The following ANXA3 variants were observed in gnomAD, a reference collection of about 807,000 sequenced individuals.
The protein encoded by ANXA3 is annexin A3, also known as 35-alpha calcimedin.
A neutral mutation model predicts 48.8 loss-of-function variants in ANXA3; 46 were observed. That is an observed-to-expected ratio of 0.94 (90% CI 0.74 to 1.21). The LOEUF (loss-of-function observed/expected upper bound fraction) is 1.21. ANXA3 is among the 50% of genes most tolerant of loss of function. The probability of loss-of-function intolerance (pLI) is 0.00; values close to 1 mark genes in which losing one functional copy is unlikely to be tolerated. For missense variants in ANXA3, 383 were observed against 378.6 expected, an observed-to-expected ratio of 1.01 and a Z score of -0.10; for synonymous variants, 128 against 134.7, an observed-to-expected ratio of 0.95 and a Z score of 0.35.
intron 1 of ANXA3, among the ~76,000 whole-genome samples, 195 bp from the exon 2 acceptor site, chr4:78,554,241 C>G (rs1198898893): frequency 2.0e-5 from 3 of 152,150 alleles, no homozygotes; most frequent in Non-Finnish European, 2.9e-5. Context: ...AGCACAGTCC[C>G]TTGCATATGG....
At chr4:78,570,550 A>T (rs1164406786) in intron 2 of ANXA3, among the ~76,000 whole-genome samples, 1 of 152,226 alleles carries the variant, frequency 6.6e-6, no homozygotes, top group African/African-American at 2.4e-5. Flanking sequence ...GGTCATATAC[A>T]TTTAAAGTAT....
At chr4:78,592,180 C>T (rs1442883226) in intron 7 of ANXA3, among the ~76,000 whole-genome samples, 2 of 152,142 alleles carry the variant, frequency 1.3e-5, no homozygotes, top group Non-Finnish European at 2.9e-5. Context: ...TGAGGCCACA[C>T]CTTGCTTTCT....
chr4:78,591,497 T>C, intron 6 of ANXA3, 47 bp from the exon 7 acceptor site: 1 of 1,297,946 alleles, frequency 7.7e-7, no homozygotes, highest in South Asian at 1.2e-5. Context: ...TTTATAATCA[T>C]ATTTTTCAGT....
intron 6 of ANXA3, among the ~76,000 whole-genome samples, chr4:78,590,796 G>A (rs1056560084): frequency 4.2e-5 from 6 of 143,692 alleles, no homozygotes; most frequent in Admixed American, 1.3e-4. Flanking sequence ...GGTTAGATTC[G>A]ATAAAACAGA....
intron 2 of ANXA3, among the ~76,000 whole-genome samples, chr4:78,561,854 T>G (rs1304113857): frequency 6.6e-6 from 1 of 152,212 alleles, no homozygotes; most frequent in Admixed American, 6.5e-5. Flanking sequence ...TTGCAGAAAG[T>G]TGATTTAAAA....
intron 2 of ANXA3, among the ~76,000 whole-genome samples, chr4:78,565,468 C>T (rs1349878075): frequency 6.6e-6 from 1 of 152,222 alleles, no homozygotes; most frequent in Non-Finnish European, 1.5e-5. Flanking sequence ...AAAATAATCT[C>T]AGCAGGCCTT....
rs752915875 is a variant in ANXA3 at position 78,595,371 on chromosome 4, T to C, written c.484-10T>C. ...TAAAGGATGGCCCTTGTTTTCGTCC[T>C]CCTGTTTAGGGCAGAAGAGATGAAA... On this transcript the variant is annotated splice_polypyrimidine_tract_variant and intron_variant, in intron 7 of 12. Coordinates refer to ENST00000264908, the MANE Select transcript of ANXA3 (RefSeq NM_005139.3). The C allele has an allele frequency of 5.6e-6, 9 of 1,613,798 alleles. No individual in the cohort carries two copies. In the Admixed American group the frequency reaches 1.3e-4, roughly 24 times the overall value.
intron 2 of ANXA3, among the ~76,000 whole-genome samples, chr4:78,570,274 CCTT>C (rs1175125208): frequency 2.0e-5 from 3 of 152,170 alleles, no homozygotes; most frequent in Non-Finnish European, 4.4e-5. Context: ...GGAATTTCCT[CCTT>C]CTCTAATTCT....
chr4:78,596,111 CA>C (rs1253626579), intron 9 of ANXA3, among the ~76,000 whole-genome samples: 3 of 152,048 alleles, frequency 2.0e-5, no homozygotes, highest in Non-Finnish European at 4.4e-5. Flanking sequence ...TAGTGAGTAC[CA>C]GGTAATAGAT....
At chr4:78,586,102 A>G (rs1723171103) in intron 5 of ANXA3, among the ~76,000 whole-genome samples, 158 bp from the exon 6 acceptor site, 1 of 152,190 alleles carries the variant, frequency 6.6e-6, no homozygotes, top group African/African-American at 2.4e-5. Flanking sequence ...TGTTATTACT[A>G]AAATATATGG....
intron 10 of ANXA3, among the ~76,000 whole-genome samples, chr4:78,598,055 GCA>G (rs974085227): frequency 1.3e-5 from 2 of 152,086 alleles, no homozygotes. Flanking sequence ...CGTAGGCAAA[GCA>G]CAGTGGCATG....
intron 2 of ANXA3, among the ~76,000 whole-genome samples, chr4:78,571,717 C>T (rs1167667456): frequency 2.6e-5 from 4 of 152,166 alleles, no homozygotes; most frequent in South Asian, 2.1e-4. Flanking sequence ...CATAAATCTA[C>T]GTTTACTTTG....
At chr4:78,583,505 T>A (rs553438882) in intron 5 of ANXA3, among the ~76,000 whole-genome samples, 3 of 151,756 alleles carry the variant, frequency 2.0e-5, no homozygotes, top group African/African-American at 4.8e-5. Flanking sequence ...ATGCCTGTAG[T>A]CCCAGCTATT....
intron 12 of ANXA3, among the ~76,000 whole-genome samples, chr4:78,604,884 C>T (rs1365739048): frequency 6.6e-6 from 1 of 152,186 alleles, no homozygotes; most frequent in Non-Finnish European, 1.5e-5. Flanking sequence ...CCCACCACAA[C>T]AAACAGAGGC....
chr4:78,599,380 T>A (rs1426651225), intron 10 of ANXA3, among the ~76,000 whole-genome samples: 1 of 152,216 alleles, frequency 6.6e-6, no homozygotes, highest in Non-Finnish European at 1.5e-5. Flanking sequence ...AGGAATCCAA[T>A]ACAATGGTCA....
intron 2 of ANXA3, among the ~76,000 whole-genome samples, chr4:78,556,420 A>G (rs764170878): frequency 6.6e-6 from 1 of 152,228 alleles, no homozygotes; most frequent in Non-Finnish European, 1.5e-5. Flanking sequence ...CGGAAAGACT[A>G]TTACATCAAA....
At chr4:78,570,296 G>A (rs749141528) in intron 2 of ANXA3, among the ~76,000 whole-genome samples, 4 of 152,068 alleles carry the variant, frequency 2.6e-5, no homozygotes, top group Non-Finnish European at 5.9e-5. Context: ...CTGTGCATTG[G>A]CATTTTAGCA....
chr4:78,594,734 A>G (rs1235941330), intron 7 of ANXA3, among the ~76,000 whole-genome samples: 1 of 152,128 alleles, frequency 6.6e-6, no homozygotes, highest in Non-Finnish European at 1.5e-5. Flanking sequence ...TTATTTTCAT[A>G]TTGAGTTTTA....
chr4:78,601,286 G>T (rs1723530096), intron 10 of ANXA3, among the ~76,000 whole-genome samples: 1 of 152,166 alleles, frequency 6.6e-6, no homozygotes, highest in South Asian at 2.1e-4. Context: ...TTTTCCCCAT[G>T]GCTGGAGATA....
Sources: gnomAD v4.1 joint callset for allele counts (sites outside exome capture counted in the v4.1 genomes callset) on GRCh38, gnomAD v4.1.1 for gene constraint, MANE v1.5 for transcripts, NCBI Gene and HGNC (gene_info 2026-07-23, HGNC 2026-07-21) for gene names.